Variants in CCDC138 observed in about 807,000 individuals in gnomAD.
CCDC138 encodes the protein coiled-coil domain-containing protein 138.
In CCDC138, 66 loss-of-function variants were observed where a neutral mutation model predicts 82.3. The ratio of observed to expected loss-of-function variants is 0.80; its 90% CI spans 0.66 to 0.98. The LOEUF (loss-of-function observed/expected upper bound fraction) is 0.98, where lower values mean the gene tolerates loss of function less well. Ranked by LOEUF, CCDC138 falls within the 50% of genes least tolerant of loss-of-function variation. The pLI is 0.00. For synonymous variants in CCDC138, 297 were observed against 265.4 expected (o/e 1.12, Z -1.16); for missense variants, 816 against 758.9 (o/e 1.08, Z -0.88).
chr2:108,864,499 A>G (rs1241257905), intron 13 of CCDC138, among the ~76,000 whole-genome samples: 1 of 151,988 alleles, frequency 6.6e-6, no homozygotes, highest in Non-Finnish European at 1.5e-5. Context: ...CCATCTCTAC[A>G]AAAAAATTAA....
At chr2:108,799,712 A>G (rs916637614) in intron 6 of CCDC138, among the ~76,000 whole-genome samples, 8 of 152,114 alleles carry the variant, frequency 5.3e-5, no homozygotes, top group African/African-American at 1.9e-4. Context: ...TATTTCATCA[A>G]ATATTTTTTC....
intron 8 of CCDC138, 47 bp from the exon 9 acceptor site, chr2:108,812,773 C>G: frequency 6.2e-7 from 1 of 1,611,220 alleles, no homozygotes; most frequent in Non-Finnish European, 8.5e-7. Context: ...TGAGTTTACT[C>G]ATTTAGATAC....
Position 108,814,249 on chromosome 2 carries a change from G to C in CCDC138, c.1041+1322G>C, listed in dbSNP as rs142040648. 5.0e-3 allele frequency among the ~76,000 whole-genome samples: 762 copies of C among 152,104 alleles called. 4 individuals are homozygous for C. Among genetic ancestry groups the C allele is most frequent in the South Asian group, 0.021 (102 of 4,812 alleles). On this transcript the variant is annotated intron_variant, in intron 9 of 14. Coordinates refer to ENST00000295124, the MANE Select transcript of CCDC138 (RefSeq NM_144978.3). The stretch of plus-strand genomic sequence containing the variant: ...CCCATTAACAGTGTATCAAAGTTTT[G>C]GTTGCTCCACAACCTTGTCAACATT...
chr2:108,840,636 T>C (rs112901845), intron 11 of CCDC138, among the ~76,000 whole-genome samples: 3 of 152,166 alleles, frequency 2.0e-5, no homozygotes, highest in African/African-American at 7.2e-5. Flanking sequence ...TCTCTTATCC[T>C]TTTGATGTTT....
chr2:108,831,785 C>G (rs146112153), intron 10 of CCDC138, among the ~76,000 whole-genome samples: 1 of 149,404 alleles, frequency 6.7e-6, no homozygotes, highest in Non-Finnish European at 1.5e-5. Context: ...CAGGCTGGAG[C>G]GCAATGGCAT....
At chr2:108,884,313 C>G (rs1696372142) in intron 2 of CCDC138, 2 of 152,200 alleles carry the variant, frequency 1.3e-5, no homozygotes, top group South Asian at 2.1e-4. Context: ...TCAAAGAAAA[C>G]AGGTAGAGAG....
At chr2:108,850,799 CTG>C (rs1158342740) in intron 12 of CCDC138, among the ~76,000 whole-genome samples, 2 of 152,108 alleles carry the variant, frequency 1.3e-5, no homozygotes, top group Admixed American at 6.6e-5. Context: ...AACTCTTTAA[CTG>C]TGTTTTTTCT....
intron 12 of CCDC138, 109 bp downstream of exon 12, chr2:108,847,039 G>T: frequency 1.4e-6 from 1 of 694,324 alleles, no homozygotes. Flanking sequence ...ATGAGGTTTT[G>T]AATTGTTTTA....
chr2:108,787,856 A>T (rs985521021), intron 1 of CCDC138, 176 bp from the exon 2 acceptor site: 2 of 189,510 alleles, frequency 1.1e-5, no homozygotes, highest in East Asian at 3.7e-4. Flanking sequence ...GGGGAGGAAC[A>T]TGACGTTGGT....
intron 2 of CCDC138, chr2:108,883,286 C>T (rs1356576959): frequency 6.6e-6 from 1 of 152,208 alleles, no homozygotes; most frequent in Admixed American, 6.5e-5. Flanking sequence ...CTGGAAAAAT[C>T]TCTGTGGCTG....
intron 10 of CCDC138, among the ~76,000 whole-genome samples, chr2:108,831,634 G>T (rs1420525762): frequency 6.6e-6 from 1 of 152,128 alleles, no homozygotes; most frequent in East Asian, 1.9e-4. Flanking sequence ...TGCAGGACTT[G>T]TTAAAACTCA....
At chr2:108,866,110 G>A (rs925369175) in intron 13 of CCDC138, among the ~76,000 whole-genome samples, 2 of 152,156 alleles carry the variant, frequency 1.3e-5, no homozygotes, top group Admixed American at 1.3e-4. Context: ...TGGGATGCAG[G>A]AGCCTCTTAA....
At chr2:108,787,917 C>A in intron 1 of CCDC138, 115 bp from the exon 2 acceptor site, 1 of 898,136 alleles carries the variant, frequency 1.1e-6, no homozygotes, top group Non-Finnish European at 1.6e-6. Context: ...AAGATGGTGT[C>A]TACAAGATTT....
chr2:108,842,948 C>G (rs766188318), intron 11 of CCDC138, among the ~76,000 whole-genome samples: 1 of 152,046 alleles, frequency 6.6e-6, no homozygotes, highest in Non-Finnish European at 1.5e-5. Context: ...TTTCTGTATA[C>G]GCTTAGAACC....
At chr2:108,792,908 C>G (rs979491640) in intron 4 of CCDC138, among the ~76,000 whole-genome samples, 3 of 137,408 alleles carry the variant, frequency 2.2e-5, no homozygotes, top group African/African-American at 8.2e-5. Flanking sequence ...ACTAAAAATA[C>G]AAAAAATTAG....
intron 9 of CCDC138, among the ~76,000 whole-genome samples, chr2:108,813,268 A>AAAAAG: frequency 6.6e-6 from 1 of 150,596 alleles, no homozygotes; most frequent in East Asian, 1.9e-4. Flanking sequence ...AAAAAAAAAA[A>AAAAAG]AAAAGAAAAT....
intron 10 of CCDC138, among the ~76,000 whole-genome samples, chr2:108,836,622 GATGAC>G (rs368382653): frequency 1.7e-3 from 257 of 152,290 alleles, no homozygotes; most frequent in African/African-American, 6.0e-3. Flanking sequence ...TTTTGGTAGA[GATGAC>G]ATTGAATCTG....
intron 7 of CCDC138, among the ~76,000 whole-genome samples, chr2:108,811,245 CTCTTTTTT>C (rs1683800420): frequency 1.8e-5 from 2 of 109,628 alleles, no homozygotes; most frequent in Admixed American, 1.0e-4. Flanking sequence ...CTTTCTCTCT[CTCTTTTTT>C]TTTTTTTTTG....
intron 7 of CCDC138, among the ~76,000 whole-genome samples, chr2:108,807,416 GTACAGTGATATTTGA>G (rs1285266822): frequency 5.3e-5 from 8 of 152,126 alleles, no homozygotes; most frequent in African/African-American, 1.7e-4. Flanking sequence ...TAATTATGGG[GTACAGTGATATTTGA>G]TACAGTAATG....
Sources: gnomAD v4.1 joint callset for allele counts (sites outside exome capture counted in the v4.1 genomes callset) on GRCh38, gnomAD v4.1.1 for gene constraint, MANE v1.5 for transcripts, NCBI Gene and HGNC (gene_info 2026-07-23, HGNC 2026-07-21) for gene names.